Variants in GALNT2 observed in about 807,000 individuals in gnomAD.
The protein encoded by GALNT2 is polypeptide N-acetylgalactosaminyltransferase 2.
GALNT2 carries 31 observed loss-of-function variants against 81.4 expected under a neutral mutation model. The observed-to-expected ratio is 0.38, with a 90% confidence interval of 0.29 to 0.51. The LOEUF (loss-of-function observed/expected upper bound fraction) is 0.51. Among genes scored for constraint, GALNT2 ranks in the 20% least tolerant of loss-of-function variants. GALNT2 has a pLI of 0.87. For synonymous variants in GALNT2, 303 were observed against 287.4 expected (o/e 1.05, Z -0.55); for missense variants, 629 against 765.7 (o/e 0.82, Z 2.11).
At position 230,252,423 on chromosome 1, in the gene GALNT2, G is replaced by A. The variant is rs149217154; in HGVS notation, c.1009+1863G>A. On this transcript the variant is annotated intron_variant, in intron 10 of 15. Coordinates refer to ENST00000366672, the MANE Select transcript of GALNT2 (RefSeq NM_004481.5). ...CTAACCCTTAACTCTAACAATGGGG[G>A]TAAGGCTCCTTGGGGGCATCATCTG... 3.9e-3 allele frequency among the ~76,000 whole-genome samples: 599 copies of A among 152,240 alleles called. 3 individuals carry two copies. The highest frequency in any genetic ancestry group is 0.02 in the Middle Eastern group (6 of 294).
intron 2 of GALNT2, among the ~76,000 whole-genome samples, chr1:230,184,498 A>G (rs534241383): frequency 2.0e-5 from 3 of 151,738 alleles, no homozygotes; most frequent in East Asian, 1.9e-4. Flanking sequence ...CTGAAGATCA[A>G]TCTTAAATGG....
intron 3 of GALNT2, among the ~76,000 whole-genome samples, chr1:230,224,613 A>G (rs60072949): frequency 0.29 from 43,868 of 152,174 alleles, 6,405 homozygotes; most frequent in African/African-American, 0.35. Context: ...GGGGAAACCT[A>G]ATGTTTTTCC....
chr1:230,068,997 C>T (rs1659291568), intron 1 of GALNT2, among the ~76,000 whole-genome samples: 1 of 152,242 alleles, frequency 6.6e-6, no homozygotes, highest in South Asian at 2.1e-4. Context: ...GCCTTGGCCA[C>T]TCTGCATAGC....
At chr1:230,129,006 A>G (rs1300953338) in intron 1 of GALNT2, among the ~76,000 whole-genome samples, 1 of 152,222 alleles carries the variant, frequency 6.6e-6, no homozygotes, top group East Asian at 1.9e-4. Flanking sequence ...CCCCCGCGAC[A>G]CTTGTGAAGC....
chr1:230,175,380 C>G (rs571433272), intron 1 of GALNT2, among the ~76,000 whole-genome samples: 8 of 152,090 alleles, frequency 5.3e-5, no homozygotes, highest in African/African-American at 1.9e-4. Context: ...CAGCCTCATA[C>G]GAACACTAAA....
intron 1 of GALNT2, among the ~76,000 whole-genome samples, chr1:230,133,715 A>G (rs1247591292): frequency 1.3e-5 from 2 of 152,158 alleles, no homozygotes; most frequent in Non-Finnish European, 2.9e-5. Context: ...TTGGCCTCCT[A>G]AAGTGCTGGG....
At chr1:230,227,486 T>C (rs137962581) in intron 3 of GALNT2, among the ~76,000 whole-genome samples, 142 of 149,156 alleles carry the variant, frequency 9.5e-4, no homozygotes, top group Non-Finnish European at 1.7e-3. Context: ...CTATATAATA[T>C]AGCTATATAT....
At chr1:230,163,311 A>AATTCCATGG (rs1198046336) in intron 1 of GALNT2, among the ~76,000 whole-genome samples, 2 of 152,238 alleles carry the variant, frequency 1.3e-5, no homozygotes, top group Non-Finnish European at 2.9e-5. Context: ...GCCACTCCTG[A>AATTCCATGG]ATTCCATGGA....
intron 1 of GALNT2, among the ~76,000 whole-genome samples, chr1:230,068,631 G>A (rs1343720521): frequency 6.6e-6 from 1 of 152,152 alleles, no homozygotes; most frequent in Admixed American, 6.5e-5. Flanking sequence ...TGTCCACGCC[G>A]GGGTTTGGCT....
chr1:230,082,166 C>T (rs556076653), intron 1 of GALNT2, among the ~76,000 whole-genome samples: 3 of 152,296 alleles, frequency 2.0e-5, no homozygotes, highest in Non-Finnish European at 2.9e-5. Flanking sequence ...TTCTCTAGTC[C>T]GTGTCCCTCC....
chr1:230,262,945 G>A lies in GALNT2; in HGVS notation c.1253G>A (p.Arg418Lys). The change falls in exon 13 of 16, where the codon AGG becomes AAG. Residue 418 changes from arginine (R) to lysine (K), a missense_variant. Arg to Lys is a conservative substitution (Grantham distance 26, BLOSUM62 2). Around this residue, in one of 3 missense-constraint regions of GALNT2, gnomAD observed 207 missense variants for 225.5 expected, o/e 0.92. Coordinates refer to ENST00000366672, the MANE Select transcript of GALNT2 (RefSeq NM_004481.5). ...YGNIQSRLEL[R>K]KKLSCKPFKW... ...AGTATTCAGAGCAGATTGGAGCTTAGGAAGAAACTCAGCTGCAAGCCTTTC... is the reference window on the plus strand; with the variant it reads ...AGTATTCAGAGCAGATTGGAGCTTAAGAAGAAACTCAGCTGCAAGCCTTTC... The A allele has an allele frequency of 6.2e-7, 1 of 1,614,184 alleles. No individual in the cohort carries two copies. The highest frequency in any genetic ancestry group is 1.1e-5 in the South Asian group (1 of 91,090).
chr1:230,175,010 T>G (rs1662916764), intron 1 of GALNT2, among the ~76,000 whole-genome samples: 1 of 152,160 alleles, frequency 6.6e-6, no homozygotes, highest in South Asian at 2.1e-4. Flanking sequence ...TCTGTGGGTG[T>G]CTTTGCACAG....
intron 1 of GALNT2, 74 bp from the exon 2 acceptor site, chr1:230,178,144 G>A (rs557336469): frequency 6.8e-6 from 8 of 1,181,166 alleles, no homozygotes; most frequent in Middle Eastern, 2.0e-4. Flanking sequence ...CCTAAGACTC[G>A]GTATGTATTG....
upstream of GALNT2, among the ~76,000 whole-genome samples, chr1:230,066,957 C>A (rs1055538883): frequency 1.3e-5 from 2 of 150,174 alleles, no homozygotes; most frequent in Admixed American, 1.3e-4. Flanking sequence ...CGTGCTGCAG[C>A]CATGGAGACG....
At chr1:230,114,077 G>A (rs946404670) in intron 1 of GALNT2, among the ~76,000 whole-genome samples, 6 of 152,126 alleles carry the variant, frequency 3.9e-5, no homozygotes, top group South Asian at 2.1e-4. Flanking sequence ...CGTTTTTGAC[G>A]TGTGTTTCCT....
intron 1 of GALNT2, among the ~76,000 whole-genome samples, chr1:230,155,383 T>C (rs760506360): frequency 1.1e-4 from 17 of 152,232 alleles, no homozygotes; most frequent in Admixed American, 2.0e-4. Flanking sequence ...TCCCTAATTA[T>C]AGCTCATCTC....
chr1:230,067,463 C>T, intron 1 of GALNT2, 57 bp downstream of exon 1: 1 of 661,534 alleles, frequency 1.5e-6, no homozygotes, highest in Non-Finnish European at 2.1e-6. Flanking sequence ...ACCCTGCGCC[C>T]CTGTCCCCTG....
At chr1:230,187,680 A>G (rs1392011798) in intron 2 of GALNT2, among the ~76,000 whole-genome samples, 9 of 152,208 alleles carry the variant, frequency 5.9e-5, no homozygotes. Context: ...CAAGTTGTGC[A>G]AACAAATTGA....
At chr1:230,260,492 A>T (rs1405280534) in intron 11 of GALNT2, among the ~76,000 whole-genome samples, 1 of 152,214 alleles carries the variant, frequency 6.6e-6, no homozygotes, top group Non-Finnish European at 1.5e-5. Flanking sequence ...AACTTGAGTG[A>T]TTTGAAAACA....
Sources: gnomAD v4.1 joint callset for allele counts (sites outside exome capture counted in the v4.1 genomes callset) on GRCh38, gnomAD v4.1.1 for gene constraint, gnomAD v4.1.1 regional missense constraint, MANE v1.5 for transcripts, NCBI Gene and HGNC (gene_info 2026-07-23, HGNC 2026-07-21) for gene names.